Variants in HOXC4 observed in about 807,000 individuals in gnomAD.
HOXC4 encodes the protein homeobox C4, also known as homeobox protein Hox-C4.
Under a neutral mutation model 25.5 loss-of-function variants are expected in HOXC4, and 15 were observed. That is an observed-to-expected ratio of 0.59 (90% CI 0.39 to 0.91). The LOEUF (loss-of-function observed/expected upper bound fraction) is 0.91. HOXC4 is among the 40% of genes least tolerant of loss of function. HOXC4 has a pLI of 0.00. For missense variants in HOXC4, 342 were observed against 352.4 expected (o/e 0.97, Z 0.24); for synonymous variants, 165 against 148.0 (o/e 1.11, Z -0.83).
At chr12:54,022,983 C>T (rs1236693769) in intron 1 of HOXC4, among the ~76,000 whole-genome samples, 1 of 152,140 alleles carries the variant, frequency 6.6e-6, no homozygotes, top group East Asian at 1.9e-4. Flanking sequence ...ATTCTGGGGG[C>T]TGAAAATATT....
Position 54,032,915 on chromosome 12 carries a change from GTCA to G in HOXC4, c.-124+15505_-124+15507del, listed in dbSNP as rs566968197. On this transcript the variant is annotated intron_variant, in intron 1 of 3. Transcript: ENST00000303406. ...GGCTTCCATCACTAACCTCCCGGAGGTCATCAAGCCAAATTTATGAGTGGCCGC... is the reference window on the plus strand; with the variant it reads ...GGCTTCCATCACTAACCTCCCGGAGGTCAAGCCAAATTTATGAGTGGCCGC... 96 of 519,866 alleles carry G rather than the reference GTCA, an allele frequency of 1.8e-4. 1 individual carries two copies. In the South Asian group the frequency reaches 2.0e-3, roughly 11 times the overall value. The allele number at this position is 519,866 out of a possible 1,614,324, so 32.2% of individuals were successfully genotyped here. A position where few individuals can be genotyped will look rare whatever the true frequency, so the allele number is the denominator to read the frequency against.
Position 54,055,232 on chromosome 12 carries a change from C to T in HOXC4, c.*27C>T. 7.9e-7 allele frequency: 1 copy of T among 1,262,196 alleles called. No homozygotes were observed. The highest frequency in any genetic ancestry group is 1.6e-5 in the South Asian group (1 of 63,510). 78.2% of individuals were successfully genotyped at this position (1,262,196 alleles called of 1,614,324 possible). On this transcript the variant is annotated 3_prime_UTR_variant, in exon 2 of 2. Transcript: ENST00000430889. ...ACATAACTCACACCCCTGCCCCCACCCCATGCCCCCACCCTCCCCTCACAC... is the reference window on the plus strand; with the variant it reads ...ACATAACTCACACCCCTGCCCCCACTCCATGCCCCCACCCTCCCCTCACAC...
chr12:54,045,789 C>T (rs185662227), intron 1 of HOXC4, among the ~76,000 whole-genome samples: 1 of 152,224 alleles, frequency 6.6e-6, no homozygotes, highest in Non-Finnish European at 1.5e-5. Context: ...CTTATTAAAG[C>T]AAGTAATTCT....
At chr12:54,018,032 G>A (rs1004251803) in intron 1 of HOXC4, among the ~76,000 whole-genome samples, 1 of 152,192 alleles carries the variant, frequency 6.6e-6, no homozygotes, top group Non-Finnish European at 1.5e-5. Context: ...TTGGCAATTA[G>A]GGGGGAGGCT....
intron 1 of HOXC4, among the ~76,000 whole-genome samples, chr12:54,039,093 T>C (rs529637827): frequency 1.3e-5 from 2 of 152,238 alleles, no homozygotes; most frequent in South Asian, 2.1e-4. Context: ...CAGCCATGAA[T>C]AGCCAGGGCT....
intron 1 of HOXC4, among the ~76,000 whole-genome samples, chr12:54,019,735 C>CTAT (rs1045403978): frequency 3.3e-5 from 5 of 152,154 alleles, no homozygotes; most frequent in Admixed American, 3.3e-4. Flanking sequence ...AACGACCTCA[C>CTAT]TGAGTGTACC....
At chr12:54,034,137 G>A (rs1325240063) in intron 1 of HOXC4, 4 of 833,684 alleles carry the variant, frequency 4.8e-6, no homozygotes, top group African/African-American at 1.7e-5. Context: ...GGGCTGGCCC[G>A]CCTGCGGCCC....
intron 1 of HOXC4, among the ~76,000 whole-genome samples, chr12:54,046,302 C>T (rs546497978): frequency 4.5e-4 from 68 of 152,218 alleles, no homozygotes; most frequent in Admixed American, 1.0e-3. Context: ...GCTCCTTTGG[C>T]TTCCGCGGCT....
At chr12:54,029,863 A>G (rs369084398) in intron 1 of HOXC4, 1 of 1,612,530 alleles carries the variant, frequency 6.2e-7, no homozygotes, top group Non-Finnish European at 8.5e-7. Flanking sequence ...CTAATCTCAC[A>G]TCCACTCTCT....
At chr12:54,030,020 C>A in intron 1 of HOXC4, 1 of 1,390,130 alleles carries the variant, frequency 7.2e-7, no homozygotes, top group Non-Finnish European at 9.6e-7. Context: ...ACCAACTCTC[C>A]CCTAATCACA....
chr12:54,026,958 A>C, intron 1 of HOXC4, among the ~76,000 whole-genome samples: 1 of 90,040 alleles, frequency 1.1e-5, no homozygotes, highest in South Asian at 2.8e-4. Context: ...ACCCACCCAA[A>C]AATGGTGGGG....
chr12:54,044,950 C>A (rs1372889624), intron 1 of HOXC4, among the ~76,000 whole-genome samples: 1 of 152,196 alleles, frequency 6.6e-6, no homozygotes, highest in Non-Finnish European at 1.5e-5. Flanking sequence ...CAAGCCAGAT[C>A]AGGTCAGGAA....
intron 1 of HOXC4, among the ~76,000 whole-genome samples, chr12:54,045,143 A>G (rs1345362596): frequency 6.6e-6 from 1 of 152,256 alleles, no homozygotes; most frequent in Non-Finnish European, 1.5e-5. Context: ...AGCACTAGAG[A>G]TTCCTCTTCA....
Position 54,028,353 on chromosome 12 carries a change from C to A in HOXC4, c.-124+10939C>A, listed in dbSNP as rs113823335. ...CAACAGAAGCAGAAGCGATTTTTTT[C>A]CCCCTTCCTGACATCTGGCTTGCGA... On this transcript the variant is annotated intron_variant, in intron 1 of 3. Transcript: ENST00000303406. 3.9e-5 allele frequency: 25 copies of A among 634,890 alleles called. No homozygotes were observed. In the African/African-American group the frequency reaches 4.1e-4, roughly 10 times the overall value. 39.3% of individuals were successfully genotyped at this position (634,890 alleles called of 1,614,324 possible). A position where few individuals can be genotyped will look rare whatever the true frequency, so the allele number is the denominator to read the frequency against.
At chr12:54,033,001 G>A (rs1353657739) in intron 1 of HOXC4, 1 of 748,786 alleles carries the variant, frequency 1.3e-6, no homozygotes, top group Non-Finnish European at 2.2e-6. Flanking sequence ...ATAGGATAAA[G>A]AAAGAGATAT....
chr12:54,028,508 G>A (rs758278316), intron 1 of HOXC4: 3 of 1,611,600 alleles, frequency 1.9e-6, no homozygotes, highest in East Asian at 4.5e-5. Context: ...GACCGACCAG[G>A]TAAAGGCAAA....
intron 1 of HOXC4, chr12:54,029,805 A>C (rs1251570174): frequency 6.2e-7 from 1 of 1,614,106 alleles, no homozygotes; most frequent in South Asian, 1.1e-5. Context: ...ACCGAGCGAC[A>C]GATCAAAATC....
intron 1 of HOXC4, chr12:54,032,870 A>G (rs1941040387): frequency 1.4e-5 from 4 of 280,214 alleles, no homozygotes; most frequent in East Asian, 6.7e-5. Context: ...CTTTGCCAAC[A>G]TATCGAGATG....
At chr12:54,051,777 G>A (rs528718736), upstream of HOXC4, among the ~76,000 whole-genome samples, 35 of 152,310 alleles carry the variant, frequency 2.3e-4, no homozygotes, top group African/African-American at 7.2e-4. Flanking sequence ...CATTGGAGGA[G>A]GGAAGGCAAC....
Sources: allele counts gnomAD v4.1 joint callset (sites outside exome capture counted in the v4.1 genomes callset), GRCh38; gene constraint gnomAD v4.1.1; transcripts MANE v1.5; gene names NCBI Gene and HGNC (gene_info 2026-07-23, HGNC 2026-07-21).